Variants in A2M observed in about 807,000 individuals in gnomAD.
The protein encoded by A2M is alpha-2-macroglobulin, also known as C3 and PZP-like alpha-2-macroglobulin domain-containing protein 5.
A neutral mutation model predicts 183.9 loss-of-function variants in A2M; 128 were observed. The ratio of observed to expected loss-of-function variants is 0.70; its 90% confidence interval spans 0.60 to 0.81. The LOEUF is 0.81. A2M is among the 30% of genes least tolerant of loss of function. The pLI, the probability that A2M is intolerant of heterozygous loss-of-function variation, is 0.00. For missense variants in A2M, 1,495 were observed against 1,787.6 expected (o/e 0.84, Z 2.95); for synonymous variants, 592 against 670.8 (o/e 0.88, Z 1.81).
Position 9,095,536 on chromosome 12 carries a change from T to C in A2M, c.2013+3A>G. On this transcript the variant is annotated splice_donor_region_variant and intron_variant, in intron 16 of 35. Coordinates refer to ENST00000318602, the MANE Select transcript of A2M (RefSeq NM_000014.6). ...CAGACCATCTGCAACATAAGGAGTTTACCTCTAGGAAGCTGTACATATCCT... is the reference window on the plus strand; with the variant it reads ...CAGACCATCTGCAACATAAGGAGTTCACCTCTAGGAAGCTGTACATATCCT... The C allele has an allele frequency of 6.2e-7, 1 of 1,609,600 alleles. No homozygotes were observed. The highest frequency in any genetic ancestry group is 8.5e-7 in the Non-Finnish European group (1 of 1,176,922).
intron 8 of A2M, among the ~76,000 whole-genome samples, chr12:9,107,107 A>G (rs1272182776): frequency 6.6e-6 from 1 of 152,066 alleles, no homozygotes; most frequent in East Asian, 1.9e-4. Flanking sequence ...CCTCCTCCAT[A>G]ATATTCAGCT....
At chr12:9,090,154 T>A in intron 20 of A2M, 131 bp from the exon 21 acceptor site, 1 of 1,397,990 alleles carries the variant, frequency 7.2e-7, no homozygotes, top group Non-Finnish European at 9.8e-7. Flanking sequence ...AACGGAAACA[T>A]GCAAATGAGA....
At chr12:9,109,290 C>A in intron 7 of A2M, 31 bp downstream of exon 7, 1 of 1,537,804 alleles carries the variant, frequency 6.5e-7, no homozygotes, top group East Asian at 2.3e-5. Context: ...TAAATAATCC[C>A]CCACAAAAGA....
At position 9,094,987 on chromosome 12, in the gene A2M, C is replaced by T. The variant is rs1800434; in HGVS notation, c.2111G>A (p.Arg704His). The T allele has an allele frequency of 5.1e-6, 8 of 1,562,640 alleles. No homozygotes were observed. Among genetic ancestry groups the T allele is most frequent in the South Asian group, 2.5e-5 (2 of 79,118 alleles). Residue 704 changes from arginine to histidine, a missense_variant, in exon 17 of 36, where the codon CGT (arginine) becomes CAT (histidine). Coordinates refer to ENST00000318602, the MANE Select transcript of A2M (RefSeq NM_000014.6). ...TTTTTGTTTACCATAAAAACCTACACGTAGACCTTCAGGTCCATGCATTTC... is the reference window on the plus strand; with the variant it reads ...TTTTTGTTTACCATAAAAACCTACATGTAGACCTTCAGGTCCATGCATTTC... ...QYEMHGPEGL[R>H]VGFYESDVMG...
chr12:9,098,458 A>T, intron 15 of A2M, 149 bp downstream of exon 15: 1 of 623,666 alleles, frequency 1.6e-6, no homozygotes, highest in Non-Finnish European at 2.4e-6. Context: ...ATAATTCCTT[A>T]CCAATGAAAG....
At chr12:9,080,689 T>C (rs913554288) in intron 22 of A2M, among the ~76,000 whole-genome samples, 1 of 152,116 alleles carries the variant, frequency 6.6e-6, no homozygotes, top group Non-Finnish European at 1.5e-5. Context: ...CCTAGAAAAT[T>C]GAGGGTAAGG....
In A2M at chr12:9,095,606, T is replaced by C. The variant is rs1440977812; in HGVS notation, c.1946A>G (p.Tyr649Cys). 6.2e-7 allele frequency: 1 copy of C among 1,611,984 alleles called. No homozygotes were observed. Among genetic ancestry groups the C allele is most frequent in the Non-Finnish European group, 8.5e-7 (1 of 1,178,080 alleles). Reference sequence around the variant, plus strand: ...TGGAGTATATGTGATTCCATTAATATAGACATTATGACGATTGATGCAGTC... The same window carrying C: ...TGGAGTATATGTGATTCCATTAATACAGACATTATGACGATTGATGCAGTC... ...NEDCINRHNV[Y>C]INGITYTPVS... Residue 649 changes from tyrosine to cysteine, a missense_variant, in exon 16 of 36, where the codon TAT (tyrosine) becomes TGT (cysteine). Transcript: ENST00000318602.
At chr12:9,111,918 A>G (rs959733380) in intron 4 of A2M, 8 of 633,468 alleles carry the variant, frequency 1.3e-5, no homozygotes, top group Non-Finnish European at 2.4e-5. Context: ...ATTAAGAACC[A>G]TCCGAAAAGT....
chr12:9,077,531 T>C lies in A2M; in HGVS notation c.3277-111A>G, dbSNP rs1592337888. On this transcript the variant is annotated intron_variant, in intron 26 of 35. Coordinates refer to ENST00000318602, the MANE Select transcript of A2M (RefSeq NM_000014.6). ...TCATCCTTACCCATATCCATCCCTA[T>C]AGGGCAAAGTATCACAATCAACTTT... The C allele has an allele frequency of 2.7e-6, 4 of 1,459,078 alleles. No individual in the cohort carries two copies. In the East Asian group the frequency reaches 7.3e-5, roughly 27 times the overall value. The allele number at this position is 1,459,078 out of a possible 1,614,324, so 90.4% of individuals were successfully genotyped here.
At chr12:9,079,375 A>T in intron 24 of A2M, 44 bp from the exon 25 acceptor site, 1 of 1,530,364 alleles carries the variant, frequency 6.5e-7, no homozygotes, top group Non-Finnish European at 9.1e-7. Context: ...ATTAATGTGC[A>T]TGCTGAGGGT....
At position 9,070,368 on chromosome 12, in the gene A2M, A is replaced by C. The variant is rs1012049763; in HGVS notation, c.4194+120T>G. On this transcript the variant is annotated intron_variant, in intron 32 of 35. Transcript: ENST00000318602. The stretch of plus-strand genomic sequence containing the variant: ...ATGTGATTATATTTCTGAGCTGGAA[A>C]AAGGATAAGGCTTTGATAGAGATTG... The C allele has an allele frequency of 7.4e-5, 53 of 716,966 alleles. No individual in the cohort carries two copies. In the South Asian group the frequency reaches 9.4e-4, roughly 13 times the overall value. 44.4% of individuals were successfully genotyped at this position (716,966 alleles called of 1,614,324 possible).
intron 2 of A2M, 154 bp from the exon 3 acceptor site, chr12:9,112,690 C>T (rs1333394015): frequency 2.7e-6 from 2 of 734,954 alleles, no homozygotes; most frequent in Non-Finnish European, 4.4e-6. Context: ...GGAATCACTT[C>T]TGCCATTTTA....
At chr12:9,080,577 A>G (rs1441257048) in intron 22 of A2M, among the ~76,000 whole-genome samples, 1 of 152,234 alleles carries the variant, frequency 6.6e-6, no homozygotes, top group Non-Finnish European at 1.5e-5. Context: ...AAGCCCTATA[A>G]GTATACATAA....
At chr12:9,082,254 C>T (rs1173629433) in intron 22 of A2M, among the ~76,000 whole-genome samples, 1 of 152,208 alleles carries the variant, frequency 6.6e-6, no homozygotes, top group Non-Finnish European at 1.5e-5. Flanking sequence ...CTCTACCTAA[C>T]CTCACAGCCC....
chr12:9,104,853 G>A (rs1938163517), intron 10 of A2M, among the ~76,000 whole-genome samples: 2 of 152,102 alleles, frequency 1.3e-5, no homozygotes, highest in Admixed American at 1.3e-4. Flanking sequence ...ATTTTGGAGT[G>A]GACCATTAAC....
At position 9,080,140 on chromosome 12, in the gene A2M, T is replaced by C. The variant is rs751054612; in HGVS notation, c.2808A>G (p.Pro936=). The part of the protein sequence containing the change: ...EVSEELSLKL[P]PNVVEESARA... Reference sequence around the variant, plus strand: ...GGGCAGATTCTTCTACCACATTTGGTGGCAGTTTCAGGGATAATTCTTCAG... The same window carrying C: ...GGGCAGATTCTTCTACCACATTTGGCGGCAGTTTCAGGGATAATTCTTCAG... The change falls in exon 23 of 36, where the codon CCA becomes CCG. Residue 936 remains proline, a synonymous_variant. Transcript: ENST00000318602. 5 of 1,589,294 alleles carry C rather than the reference T, an allele frequency of 3.1e-6. No individual in the cohort carries two copies. The highest frequency in any genetic ancestry group is 4.3e-6 in the Non-Finnish European group (5 of 1,167,206).
chr12:9,105,343 A>G (rs1938202074), intron 10 of A2M, among the ~76,000 whole-genome samples: 1 of 152,226 alleles, frequency 6.6e-6, no homozygotes, highest in Non-Finnish European at 1.5e-5. Context: ...AATAAAATGT[A>G]CTTACAAAGT....
intron 3 of A2M, 68 bp from the exon 4 acceptor site, chr12:9,112,279 A>G: frequency 1.9e-6 from 3 of 1,607,002 alleles, no homozygotes; most frequent in Non-Finnish European, 8.5e-7. Flanking sequence ...AAGACAAGCT[A>G]TTAAGGAACC....
intron 1 of A2M, 50 bp from the exon 2 acceptor site, chr12:9,113,593 G>T (rs757307765): frequency 6.6e-7 from 1 of 1,525,402 alleles, no homozygotes; most frequent in Non-Finnish European, 9.0e-7. Context: ...GAGAGGCATT[G>T]CTATCAACAG....
Sources: allele counts gnomAD v4.1 joint callset (sites outside exome capture counted in the v4.1 genomes callset), GRCh38; gene constraint gnomAD v4.1.1; transcripts MANE v1.5; gene names NCBI Gene and HGNC (gene_info 2026-07-23, HGNC 2026-07-21).